RRM2: variants seen among roughly 807,000 people sequenced by gnomAD.
RRM2 encodes the protein ribonucleotide reductase regulatory subunit M2.
Under a neutral mutation model 45.9 loss-of-function variants are expected in RRM2, and 6 were observed. That is an observed-to-expected ratio of 0.13 (90% confidence interval 0.07 to 0.26). The LOEUF (loss-of-function observed/expected upper bound fraction) is 0.26, where lower values mean the gene tolerates loss of function less well. Among genes scored for constraint, RRM2 ranks in the 10% least tolerant of loss-of-function variants. The pLI, the probability that RRM2 is intolerant of heterozygous loss-of-function variation, is 1.00. For missense variants in RRM2, 343 were observed against 489.5 expected, an observed-to-expected ratio of 0.70 and a Z score of 2.82; for synonymous variants, 177 against 173.0, an observed-to-expected ratio of 1.02 and a Z score of -0.18.
chr2:10,135,730 G>A (rs1022868928), downstream of RRM2, among the ~76,000 whole-genome samples: 14 of 152,114 alleles, frequency 9.2e-5, no homozygotes, highest in Admixed American at 2.0e-4. Flanking sequence ...AATTACTATA[G>A]GAAAAAGACT....
chr2:10,146,836 G>A (rs578018067), intron 3 of RRM2, among the ~76,000 whole-genome samples: 6 of 152,226 alleles, frequency 3.9e-5, no homozygotes, highest in Admixed American at 6.5e-5. Flanking sequence ...AAATGCCTGC[G>A]TTTGGGTGCG....
chr2:10,181,748 CTCTCTCT>C (rs1239898242), intron 3 of RRM2, among the ~76,000 whole-genome samples: 1 of 106,384 alleles, frequency 9.4e-6, no homozygotes, highest in African/African-American at 3.3e-5. Context: ...CTCTCTCTCT[CTCTCTCT>C]TTTTTTTTTT....
At chr2:10,191,356 A>G (rs1175680068) in intron 3 of RRM2, among the ~76,000 whole-genome samples, 3 of 152,212 alleles carry the variant, frequency 2.0e-5, no homozygotes, top group Non-Finnish European at 4.4e-5. Context: ...CATGACACTT[A>G]GGAAGGTTAA....
chr2:10,130,254 T>C lies in RRM2; in HGVS notation c.*868T>C, dbSNP rs183195414. On this transcript the variant is annotated 3_prime_UTR_variant, in exon 10 of 10. Coordinates refer to ENST00000304567, the MANE Select transcript of RRM2 (RefSeq NM_001034.4). Reference sequence around the variant, plus strand: ...GATGAGAAAAAATTCTTGAAGAGTTTTCATATGTGGGAGCTAAGGTAGTAT... The same window carrying C: ...GATGAGAAAAAATTCTTGAAGAGTTCTCATATGTGGGAGCTAAGGTAGTAT... The C allele has an allele frequency of 6.6e-6, 1 of 152,314 alleles. No individual in the cohort carries two copies. Among genetic ancestry groups the C allele is most frequent in the African/African-American group, 2.4e-5 (1 of 41,572 alleles). 9.4% of individuals were successfully genotyped at this position (152,314 alleles called of 1,614,324 possible).
At chr2:10,173,936 CA>C (rs1301361366) in intron 3 of RRM2, among the ~76,000 whole-genome samples, 1 of 152,202 alleles carries the variant, frequency 6.6e-6, no homozygotes, top group Admixed American at 6.5e-5. Context: ...CGTGATCTGG[CA>C]AAGCCTTGGA....
chr2:10,207,123 G>A (rs1379482279), intron 3 of RRM2, among the ~76,000 whole-genome samples: 2 of 152,196 alleles, frequency 1.3e-5, no homozygotes, highest in Non-Finnish European at 2.9e-5. Context: ...CGCCTCCTGG[G>A]ACTTTGGCCT....
rs2125334859 is a variant in RRM2, at chr2:10,204,736, C to T, written n.483-5575C>T. Among the ~76,000 whole-genome samples the T allele has an allele frequency of 6.6e-6, 1 of 152,340 alleles. No homozygotes were observed. Among genetic ancestry groups the T allele is most frequent in the African/African-American group, 2.4e-5 (1 of 41,558 alleles). On this transcript the variant is annotated intron_variant and non_coding_transcript_variant, in intron 3 of 3. Transcript: ENST00000381786. This position sits in a 1 kb window ranked among gnomAD's most constrained non-coding sequence, Gnocchi z 4.0. ...TCATTGCCGCATCTGTTCTCAATTG[C>T]CCTATGCAGATACTTAGTCTGTGGC... is the stretch of plus-strand genomic sequence containing the variant.
upstream of RRM2, among the ~76,000 whole-genome samples, chr2:10,136,599 ATC>A (rs1662993187): frequency 6.6e-6 from 1 of 152,154 alleles, no homozygotes; most frequent in Non-Finnish European, 1.5e-5. Flanking sequence ...AGGAGACCCT[ATC>A]TCTATAGAAA....
chr2:10,161,226 T>A (rs977299854), intron 3 of RRM2, among the ~76,000 whole-genome samples: 2 of 152,152 alleles, frequency 1.3e-5, no homozygotes, highest in Non-Finnish European at 2.9e-5. Context: ...CCTGACTAAA[T>A]GTTTGCATTT....
In RRM2 at chr2:10,122,877, T is replaced by C; in HGVS notation, c.79T>C (p.Leu27=). 1 of 1,597,134 alleles carries C rather than the reference T, an allele frequency of 6.3e-7. No individual in the cohort carries two copies. Among genetic ancestry groups the C allele is most frequent in the Non-Finnish European group, 8.5e-7 (1 of 1,174,106 alleles). The change falls in exon 1 of 10, where the codon TTG becomes CTG. Residue 27 remains leucine (L), a synonymous_variant. Transcript: ENST00000304567. Reference sequence around the variant, plus strand: ...GCTCTCGCCGCTGAAGGGGCTCAGCTTGGTCGACAAGGAGAACACGGTGAG... The same window carrying C: ...GCTCTCGCCGCTGAAGGGGCTCAGCCTGGTCGACAAGGAGAACACGGTGAG... ...LQLSPLKGLS[L]VDKENTPPAL...
chr2:10,209,186 T>C (rs1034367216), intron 3 of RRM2, among the ~76,000 whole-genome samples: 2 of 151,742 alleles, frequency 1.3e-5, no homozygotes, highest in African/African-American at 4.8e-5. Context: ...TTCCCCTGAG[T>C]AGCTGGGATT....
chr2:10,123,266 C>T (rs886653287), intron 2 of RRM2, 121 bp from the exon 3 acceptor site: 1 of 1,349,360 alleles, frequency 7.4e-7, no homozygotes, highest in Non-Finnish European at 9.9e-7. Context: ...TGCGACGGGA[C>T]AGCCACGTTT....
Position 10,177,842 on chromosome 2 carries a change from G to A in RRM2, n.483-32469G>A, listed in dbSNP as rs139161466. Reference sequence around the variant, plus strand: ...TCACTATGTTGACCAGGCTGGTCTCGAACTTCTGACTTAAGGTGATCCACC... The same window carrying A: ...TCACTATGTTGACCAGGCTGGTCTCAAACTTCTGACTTAAGGTGATCCACC... On this transcript the variant is annotated intron_variant and non_coding_transcript_variant, in intron 3 of 3. Coordinates refer to the RRM2 transcript ENST00000381786. 2.5e-3 allele frequency among the ~76,000 whole-genome samples: 382 copies of A among 151,328 alleles called. 2 individuals are homozygous for A. Among genetic ancestry groups the A allele is most frequent in the African/African-American group, 9.0e-3 (370 of 41,186 alleles).
chr2:10,186,964 T>C (rs559676219), intron 3 of RRM2, among the ~76,000 whole-genome samples: 1 of 152,350 alleles, frequency 6.6e-6, no homozygotes, highest in Non-Finnish European at 1.5e-5. Flanking sequence ...ACCCAGGAGC[T>C]CTGGTGCCCA....
At position 10,130,410 on chromosome 2, in the gene RRM2, T is replaced by G. The variant is rs1163227912; in HGVS notation, c.*1024T>G. 5.9e-5 allele frequency: 9 copies of G among 152,198 alleles called. No homozygotes were observed. The highest frequency in any genetic ancestry group is 2.2e-4 in the African/African-American group (9 of 41,438). 9.4% of individuals were successfully genotyped at this position (152,198 alleles called of 1,614,324 possible). The stretch of plus-strand genomic sequence containing the variant: ...TTTTGTTTGGTGTAAGTAGGTTGTG[T>G]GAGTTAATTCATTTATATTTACTAT... On this transcript the variant is annotated 3_prime_UTR_variant, in exon 10 of 10. Transcript: ENST00000304567.
At chr2:10,162,933 C>T (rs1371261383) in intron 3 of RRM2, among the ~76,000 whole-genome samples, 1 of 152,224 alleles carries the variant, frequency 6.6e-6, no homozygotes, top group Non-Finnish European at 1.5e-5. Flanking sequence ...CCAGGAGGAG[C>T]CCCAGCCTGG....
chr2:10,196,936 C>T (rs1309664950), intron 3 of RRM2, among the ~76,000 whole-genome samples: 1 of 152,202 alleles, frequency 6.6e-6, no homozygotes, highest in African/African-American at 2.4e-5. Flanking sequence ...AGCAGCACCT[C>T]CCTCTCTCAA....
rs1227834358 is a variant in RRM2 at position 10,204,213 on chromosome 2, A to G, written n.483-6098A>G. Among the ~76,000 whole-genome samples, 1 of 152,128 alleles carries G rather than the reference A, an allele frequency of 6.6e-6. No individual in the cohort carries two copies. The highest frequency in any genetic ancestry group is 1.9e-4 in the East Asian group (1 of 5,164). On this transcript the variant is annotated intron_variant and non_coding_transcript_variant, in intron 3 of 3. Transcript: ENST00000381786. This position sits in a 1 kb window ranked among gnomAD's most constrained non-coding sequence, Gnocchi z 4.0. ...CTGGGGCCTGGCTTCGTCCAACAGC[A>G]GAGCCCAACCTCCAGGGCAGACTGA...
At chr2:10,134,647 G>A (rs1042753563), downstream of RRM2, among the ~76,000 whole-genome samples, 6 of 152,258 alleles carry the variant, frequency 3.9e-5, no homozygotes, top group Admixed American at 1.3e-4. Context: ...GAAAAAACAC[G>A]GTATGGTGAA....
Sources: allele counts gnomAD v4.1 joint callset (sites outside exome capture counted in the v4.1 genomes callset), GRCh38; gene constraint gnomAD v4.1.1; non-coding constraint Gnocchi (gnomAD v3.1); transcripts MANE v1.5; gene names NCBI Gene and HGNC (gene_info 2026-07-23, HGNC 2026-07-21).